Variants in CSMD1 observed in about 807,000 individuals in gnomAD.
CSMD1 encodes CUB and sushi domain-containing protein 1.
In CSMD1, 213 loss-of-function variants were observed where a neutral mutation model predicts 417.5. The observed-to-expected ratio is 0.51, with a 90% confidence interval of 0.46 to 0.57. The LOEUF (loss-of-function observed/expected upper bound fraction) is 0.57. CSMD1 is among the 20% of genes least tolerant of loss of function. The pLI, the probability that CSMD1 is intolerant of heterozygous loss-of-function variation, is 0.00. For missense variants in CSMD1, 6,923 were observed against 4,529.7 expected (o/e 1.53, Z -15.17); for synonymous variants, 2,862 against 1,736.8 (o/e 1.65, Z -16.11).
At chr8:3,174,504 A>G (rs1820786156) in intron 37 of CSMD1, among the ~76,000 whole-genome samples, 1 of 152,178 alleles carries the variant, frequency 6.6e-6, no homozygotes, top group African/African-American at 2.4e-5. Flanking sequence ...AAAAACAAAC[A>G]ATAAACAAAC....
chr8:4,905,727 G>A (rs1318939805), intron 1 of CSMD1, among the ~76,000 whole-genome samples: 1 of 151,192 alleles, frequency 6.6e-6, no homozygotes, highest in Non-Finnish European at 1.5e-5. Context: ...GGCTGAGGCA[G>A]GAGAATGGCG....
intron 12 of CSMD1, among the ~76,000 whole-genome samples, chr8:3,441,904 G>T (rs944858459): frequency 6.6e-6 from 1 of 152,010 alleles, no homozygotes; most frequent in Non-Finnish European, 1.5e-5. Context: ...TCCAGAAGAA[G>T]GCATTGAGAT....
At chr8:3,386,503 C>G (rs182867795) in intron 18 of CSMD1, among the ~76,000 whole-genome samples, 274 of 152,270 alleles carry the variant, frequency 1.8e-3, no homozygotes, top group African/African-American at 6.4e-3. Flanking sequence ...GCTTTGGTGA[C>G]AAAGGTCAAA....
At chr8:3,100,467 C>T (rs1209629270) in intron 46 of CSMD1, among the ~76,000 whole-genome samples, 1 of 152,212 alleles carries the variant, frequency 6.6e-6, no homozygotes, top group African/African-American at 2.4e-5. Context: ...AGTGGGAGAG[C>T]TGAAAGGGAC....
rs1554473698 is a variant in CSMD1 at position 4,764,904 on chromosome 8, C to CAACAACA, written c.86-127347_86-127346insTGTTGTT. ...AAAAAAAAAAAAAAAACAACAACAA[C>CAACAACA]AAAAAAAAACCTTTGCTGAGGATGG... On this transcript the variant is annotated intron_variant, in intron 1 of 69. Transcript: ENST00000635120. 4.9e-3 allele frequency among the ~76,000 whole-genome samples: 600 copies of CAACAACA among 122,564 alleles called. 23 individuals are homozygous for CAACAACA. The highest frequency in any genetic ancestry group is 0.018 in the Middle Eastern group (4 of 224). The allele number at this position is 122,564 out of a possible 152,430, so 80.4% of individuals were successfully genotyped here. A position where few individuals can be genotyped will look rare whatever the true frequency, so the allele number is the denominator to read the frequency against.
chr8:3,596,987 G>C (rs1035104723), intron 8 of CSMD1, among the ~76,000 whole-genome samples: 1 of 152,128 alleles, frequency 6.6e-6, no homozygotes, highest in South Asian at 2.1e-4. Context: ...GGCTCACTCT[G>C]TTTCTGTGGC....
At chr8:2,942,195 C>T (rs1585029345) in intron 69 of CSMD1, among the ~76,000 whole-genome samples, 1 of 151,932 alleles carries the variant, frequency 6.6e-6, no homozygotes, top group Non-Finnish European at 1.5e-5. Flanking sequence ...GGAGGGAGAG[C>T]ATCAAGAAGA....
At chr8:4,081,809 A>C (rs939316578) in intron 3 of CSMD1, among the ~76,000 whole-genome samples, 2 of 151,848 alleles carry the variant, frequency 1.3e-5, no homozygotes, top group African/African-American at 4.8e-5. Flanking sequence ...AATGGATCAA[A>C]TAAATTGTTA....
intron 7 of CSMD1, among the ~76,000 whole-genome samples, chr8:3,637,671 A>T (rs1797116098): frequency 6.6e-6 from 1 of 152,204 alleles, no homozygotes; most frequent in South Asian, 2.1e-4. Flanking sequence ...CAATCATATG[A>T]AACAGGATGA....
At chr8:4,426,964 A>G (rs12542458) in intron 2 of CSMD1, among the ~76,000 whole-genome samples, 105,811 of 151,728 alleles carry the variant, frequency 0.7, 37,137 homozygotes, top group Middle Eastern at 0.76. Flanking sequence ...ACTGGATAAG[A>G]CTGGCCTGGT....
intron 1 of CSMD1, among the ~76,000 whole-genome samples, chr8:4,844,693 T>C (rs1801030496): frequency 1.3e-5 from 2 of 152,224 alleles, no homozygotes; most frequent in Non-Finnish European, 2.9e-5. Context: ...CTCATTATTA[T>C]CTTAGACTCT....
At chr8:4,767,994 G>A (rs1212184189) in intron 1 of CSMD1, among the ~76,000 whole-genome samples, 2 of 152,126 alleles carry the variant, frequency 1.3e-5, no homozygotes, top group Non-Finnish European at 2.9e-5. Flanking sequence ...GGAGCATGGT[G>A]GGCATTCAAT....
Position 3,560,288 on chromosome 8 carries a change from G to A in CSMD1, c.1344+14657C>T, listed in dbSNP as rs149577659. On this transcript the variant is annotated intron_variant, in intron 10 of 69. Transcript: ENST00000635120. ...TAATTACTTAGAAGCATTTCCACAT[G>A]CATCATTTCTCTGAGAAACACAGAA... Among the ~76,000 whole-genome samples the A allele has an allele frequency of 1.4e-3, 217 of 152,164 alleles. 1 individual carries two copies. Among genetic ancestry groups the A allele is most frequent in the Non-Finnish European group, 2.5e-3 (171 of 68,016 alleles).
intron 3 of CSMD1, among the ~76,000 whole-genome samples, chr8:4,234,859 T>C (rs537429399): frequency 6.6e-6 from 1 of 152,042 alleles, no homozygotes; most frequent in Non-Finnish European, 1.5e-5. Flanking sequence ...TCTTGCTCTG[T>C]CCCCACGTAG....
intron 1 of CSMD1, among the ~76,000 whole-genome samples, chr8:4,779,865 C>A (rs1301228325): frequency 3.3e-5 from 5 of 152,184 alleles, no homozygotes; most frequent in Admixed American, 2.0e-4. Context: ...GCAGCAACTG[C>A]TCCCCAGGCT....
At chr8:3,322,851 G>C (rs937953977) in intron 23 of CSMD1, among the ~76,000 whole-genome samples, 4 of 152,208 alleles carry the variant, frequency 2.6e-5, no homozygotes, top group Non-Finnish European at 4.4e-5. Context: ...AAAGGAAATT[G>C]ATTTCTGGTT....
intron 2 of CSMD1, among the ~76,000 whole-genome samples, chr8:4,538,500 G>C (rs1305618768): frequency 2.0e-5 from 3 of 152,002 alleles, no homozygotes; most frequent in Admixed American, 1.3e-4. Flanking sequence ...AAAATTAGCT[G>C]TGTGTGGTGG....
At chr8:3,673,614 G>T (rs1799203473) in intron 7 of CSMD1, among the ~76,000 whole-genome samples, 1 of 152,148 alleles carries the variant, frequency 6.6e-6, no homozygotes, top group Non-Finnish European at 1.5e-5. Flanking sequence ...GAATAACTCA[G>T]CCTGTTTGAC....
intron 12 of CSMD1, among the ~76,000 whole-genome samples, chr8:3,420,727 G>A (rs368135202): frequency 5.3e-4 from 81 of 152,280 alleles, no homozygotes; most frequent in African/African-American, 1.9e-3. Context: ...CGCTTGCAAT[G>A]ATTCCTTTTA....
Sources: gnomAD v4.1 joint callset for allele counts (sites outside exome capture counted in the v4.1 genomes callset) on GRCh38, gnomAD v4.1.1 for gene constraint, MANE v1.5 for transcripts, NCBI Gene and HGNC (gene_info 2026-07-23, HGNC 2026-07-21) for gene names.